Variants in ATP8A2 observed in about 807,000 individuals in gnomAD.
ATP8A2 encodes ATPase phospholipid transporting 8A2.
In ATP8A2, 100 loss-of-function variants were observed where a neutral mutation model predicts 165.6. That is an observed-to-expected ratio of 0.60 (90% CI 0.51 to 0.71). The LOEUF (loss-of-function observed/expected upper bound fraction) is 0.71. Among genes scored for constraint, ATP8A2 ranks in the 30% least tolerant of loss-of-function variants. ATP8A2 has a pLI of 0.00. For synonymous variants in ATP8A2, 543 were observed against 548.8 expected, an observed-to-expected ratio of 0.99 and a Z score of 0.15; for missense variants, 1,227 against 1,479.5, an observed-to-expected ratio of 0.83 and a Z score of 2.80.
At chr13:25,752,540 C>T (rs991600695) in intron 25 of ATP8A2, among the ~76,000 whole-genome samples, 1 of 152,170 alleles carries the variant, frequency 6.6e-6, no homozygotes, top group South Asian at 2.1e-4. Flanking sequence ...TGTTCATCAG[C>T]AGGTCCTTGA....
chr13:25,681,954 C>T (rs771349416), intron 24 of ATP8A2, among the ~76,000 whole-genome samples: 3 of 152,118 alleles, frequency 2.0e-5, no homozygotes, highest in African/African-American at 4.8e-5. Flanking sequence ...GATGGGTCCC[C>T]GTCGAGTGAC....
intron 1 of ATP8A2, among the ~76,000 whole-genome samples, chr13:25,403,322 C>A (rs1200940426): frequency 1.3e-5 from 2 of 152,070 alleles, no homozygotes; most frequent in Non-Finnish European, 2.9e-5. Flanking sequence ...ATTACCCAGC[C>A]TGTGGTATTT....
intron 2 of ATP8A2, among the ~76,000 whole-genome samples, chr13:25,497,218 G>A (rs1286898563): frequency 1.3e-5 from 2 of 152,156 alleles, no homozygotes; most frequent in Non-Finnish European, 2.9e-5. Context: ...GGAATATTAT[G>A]TGTGATTAAA....
chr13:25,911,443 G>A (rs76446619), intron 33 of ATP8A2, among the ~76,000 whole-genome samples: 1 of 152,296 alleles, frequency 6.6e-6, no homozygotes, highest in East Asian at 1.9e-4. Context: ...GTTCTGTGAT[G>A]TACCAAGGCA....
intron 28 of ATP8A2, 91 bp from the exon 29 acceptor site, chr13:25,837,072 C>T: frequency 1.3e-6 from 2 of 1,507,684 alleles, no homozygotes; most frequent in South Asian, 2.5e-5. Context: ...TTGGACTTGA[C>T]TGGAAGTGAA....
intron 2 of ATP8A2, among the ~76,000 whole-genome samples, chr13:25,495,992 C>T (rs188719474): frequency 2.2e-4 from 34 of 152,216 alleles, no homozygotes; most frequent in Admixed American, 4.6e-4. Flanking sequence ...ACTCTCATCA[C>T]CAGGGCTCAT....
chr13:25,805,044 A>G (rs959641371), intron 27 of ATP8A2, among the ~76,000 whole-genome samples: 3 of 152,110 alleles, frequency 2.0e-5, no homozygotes, highest in South Asian at 2.1e-4. Context: ...TTGGTCATTA[A>G]TTTTCAGTCT....
chr13:25,615,999 A>G (rs2040813366), intron 24 of ATP8A2, among the ~76,000 whole-genome samples: 1 of 152,162 alleles, frequency 6.6e-6, no homozygotes, highest in African/African-American at 2.4e-5. Context: ...AAAGTTCACA[A>G]TATGAGTCTC....
At chr13:25,509,721 C>G (rs1235507781) in intron 2 of ATP8A2, among the ~76,000 whole-genome samples, 1 of 151,914 alleles carries the variant, frequency 6.6e-6, no homozygotes, top group Non-Finnish European at 1.5e-5. Flanking sequence ...TTAATATTCT[C>G]CTTCTGTGAT....
chr13:25,870,171 G>A (rs546436945), intron 33 of ATP8A2, among the ~76,000 whole-genome samples: 13 of 152,282 alleles, frequency 8.5e-5, no homozygotes, highest in East Asian at 3.9e-4. Context: ...CTGACGGCGC[G>A]CGGGTGCCTG....
chr13:25,561,955 C>T lies in ATP8A2; in HGVS notation c.1398-2001C>T, dbSNP rs146349228. Reference sequence around the variant, plus strand: ...GTTGTAGAATGTGCCAGAATCTTCTCCCTTTGGAAGGCTGAGTAATATGCG... The same window carrying T: ...GTTGTAGAATGTGCCAGAATCTTCTTCCTTTGGAAGGCTGAGTAATATGCG... On this transcript the variant is annotated intron_variant, in intron 15 of 36. Transcript: ENST00000381655. Among the ~76,000 whole-genome samples, 309 of 152,296 alleles carry T rather than the reference C, an allele frequency of 2.0e-3. 1 individual carries two copies. Among genetic ancestry groups the T allele is most frequent in the African/African-American group, 6.4e-3 (266 of 41,558 alleles).
At chr13:25,529,444 G>T (rs918241314) in intron 2 of ATP8A2, among the ~76,000 whole-genome samples, 1 of 152,188 alleles carries the variant, frequency 6.6e-6, no homozygotes, top group Admixed American at 6.5e-5. Context: ...CTTGCATGAG[G>T]AGTGTCGTTA....
intron 33 of ATP8A2, among the ~76,000 whole-genome samples, chr13:25,925,487 A>T (rs1188423543): frequency 2.1e-5 from 1 of 47,414 alleles, no homozygotes; most frequent in East Asian, 2.9e-3. Flanking sequence ...GTGAGTTGAG[A>T]TCGCGCCACT....
At chr13:25,978,022 T>G (rs1956096712) in intron 35 of ATP8A2, among the ~76,000 whole-genome samples, 1 of 151,286 alleles carries the variant, frequency 6.6e-6, no homozygotes, top group Admixed American at 6.6e-5. Flanking sequence ...CCAACAAGAC[T>G]TTTTTTCAAG....
At chr13:25,729,033 G>A (rs1490152767) in intron 25 of ATP8A2, among the ~76,000 whole-genome samples, 2 of 152,052 alleles carry the variant, frequency 1.3e-5, no homozygotes, top group African/African-American at 2.4e-5. Context: ...TTGGAGTGGT[G>A]TCTCTTTCTC....
intron 9 of ATP8A2, among the ~76,000 whole-genome samples, chr13:25,542,935 A>G (rs1046706261): frequency 1.3e-5 from 2 of 152,104 alleles, no homozygotes; most frequent in Admixed American, 1.3e-4. Flanking sequence ...AATAATAATA[A>G]TAATACTTCC....
chr13:25,492,635 C>T (rs1478086725), intron 2 of ATP8A2, among the ~76,000 whole-genome samples: 5 of 152,144 alleles, frequency 3.3e-5, no homozygotes, highest in East Asian at 1.9e-4. Context: ...TGTAGCACTG[C>T]GTCTTATAAG....
intron 35 of ATP8A2, among the ~76,000 whole-genome samples, chr13:25,993,568 G>T (rs1956436496): frequency 6.6e-6 from 1 of 152,120 alleles, no homozygotes; most frequent in Non-Finnish European, 1.5e-5. Context: ...TTTTTTCTGT[G>T]CATATATAGT....
chr13:25,390,924 CAAA>C (rs201934356), intron 1 of ATP8A2, among the ~76,000 whole-genome samples: 3 of 116,198 alleles, frequency 2.6e-5, no homozygotes, highest in African/African-American at 6.0e-5. Flanking sequence ...GACTCCGTCT[CAAA>C]AAAAAAAAAA....
Sources: gnomAD v4.1 joint callset for allele counts (sites outside exome capture counted in the v4.1 genomes callset) on GRCh38, gnomAD v4.1.1 for gene constraint, MANE v1.5 for transcripts, NCBI Gene and HGNC (gene_info 2026-07-23, HGNC 2026-07-21) for gene names.